Variants in MYH15 observed in about 807,000 individuals in gnomAD.
MYH15 encodes myosin-15.
Under a neutral mutation model 240.5 loss-of-function variants are expected in MYH15, and 227 were observed. The ratio of observed to expected loss-of-function variants is 0.94; its 90% CI spans 0.85 to 1.05. The LOEUF (loss-of-function observed/expected upper bound fraction) is 1.05. Among genes scored for constraint, MYH15 ranks in the 50% least tolerant of loss-of-function variants. The probability of loss-of-function intolerance (pLI) is 0.00; values close to 1 mark genes in which losing one functional copy is unlikely to be tolerated. For synonymous variants in MYH15, 785 were observed against 796.7 expected (o/e 0.99, Z 0.25); for missense variants, 2,217 against 2,247.5 (o/e 0.99, Z 0.27).
chr3:108,455,825 T>A lies in MYH15; in HGVS notation c.2173A>T (p.Ser725Cys), dbSNP rs2083014851. Residue 725 changes from serine to cysteine, a missense_variant, in exon 20 of 41, where the codon AGC (serine) becomes TGC (cysteine). Ser to Cys is a moderately radical substitution (Grantham distance 112). Transcript: ENST00000693548. ...CILNPRTFPK[S>C]KFVSSRKAAE... ...GCTTTTCTGCTGCTCACAAACTTGC[T>A]CTTTGGAAAGGTCCTTGGATTCAGA... 6.2e-7 allele frequency: 1 copy of A among 1,613,352 alleles called. No individual in the cohort carries two copies. The highest frequency in any genetic ancestry group is 8.5e-7 in the Non-Finnish European group (1 of 1,179,358).
At chr3:108,395,244 G>C (rs2082451185) in intron 35 of MYH15, among the ~76,000 whole-genome samples, 1 of 152,180 alleles carries the variant, frequency 6.6e-6, no homozygotes, top group Non-Finnish European at 1.5e-5. Context: ...ACTCCAACCT[G>C]AGTGACAGAG....
At chr3:108,517,879 A>C (rs764079259) in intron 1 of MYH15, among the ~76,000 whole-genome samples, 8 of 152,246 alleles carry the variant, frequency 5.3e-5, no homozygotes, top group Non-Finnish European at 1.2e-4. Flanking sequence ...GGACATGGAC[A>C]ACAGAGATAT....
Position 108,428,650 on chromosome 3 carries a change from C to T in MYH15, c.3544G>A (p.Ala1182Thr), listed in dbSNP as rs756628630. ...EATLHFETTS[A>T]SLKKRHADSL... ...TCTGCATGTCTCTTCTTCAAAGATG[C>T]AGAAGTTGTCTCAAAGTGCAGAGTG... The change falls in exon 27 of 41, where the codon GCA (alanine) becomes ACA (threonine). Residue 1182 changes from alanine to threonine, a missense_variant. Ala to Thr is a moderately conservative substitution (Grantham distance 58, BLOSUM62 0). Coordinates refer to ENST00000693548, the MANE Select transcript of MYH15 (RefSeq NM_014981.3). 1 of 1,613,808 alleles carries T rather than the reference C, an allele frequency of 6.2e-7. No homozygotes were observed. Among genetic ancestry groups the T allele is most frequent in the Non-Finnish European group, 8.5e-7 (1 of 1,179,996 alleles).
At chr3:108,518,673 C>T (rs1209228710) in intron 1 of MYH15, among the ~76,000 whole-genome samples, 1 of 152,206 alleles carries the variant, frequency 6.6e-6, no homozygotes, top group Non-Finnish European at 1.5e-5. Context: ...CAACAGCACT[C>T]TCTGACCTCT....
At chr3:108,510,701 C>T, upstream of MYH15, 1 of 982,426 alleles carries the variant, frequency 1.0e-6, no homozygotes, top group East Asian at 2.5e-5. Flanking sequence ...CCTGTAACTA[C>T]CTGTGCCCCT....
intron 14 of MYH15, among the ~76,000 whole-genome samples, chr3:108,467,162 C>A (rs1473984669): frequency 6.6e-6 from 1 of 151,696 alleles, no homozygotes; most frequent in Non-Finnish European, 1.5e-5. Flanking sequence ...CTGAGACATA[C>A]AGGTCTGAGT....
intron 23 of MYH15, 68 bp downstream of exon 23, chr3:108,440,950 C>G: frequency 6.3e-7 from 1 of 1,589,110 alleles, no homozygotes; most frequent in Non-Finnish European, 8.6e-7. Flanking sequence ...AAGTCAGATA[C>G]CAAAACCTGA....
At chr3:108,429,015 G>A in intron 26 of MYH15, 134 bp from the exon 27 acceptor site, 1 of 944,922 alleles carries the variant, frequency 1.1e-6, no homozygotes. Flanking sequence ...ATACACAGAA[G>A]TTAAGTGATT....
At chr3:108,526,161 T>C (rs1162324282) in intron 1 of MYH15, among the ~76,000 whole-genome samples, 4 of 152,128 alleles carry the variant, frequency 2.6e-5, no homozygotes, top group Non-Finnish European at 2.9e-5. Flanking sequence ...TAGACTCTTA[T>C]ACAGTGATGC....
At chr3:108,439,001 G>A (rs2082863705) in intron 24 of MYH15, among the ~76,000 whole-genome samples, 1 of 150,816 alleles carries the variant, frequency 6.6e-6, no homozygotes, top group Non-Finnish European at 1.5e-5. Context: ...ACAACGAATA[G>A]ATAATAGAAG....
At chr3:108,445,687 G>A (rs893777154) in intron 21 of MYH15, among the ~76,000 whole-genome samples, 9 of 152,020 alleles carry the variant, frequency 5.9e-5, no homozygotes, top group Admixed American at 2.0e-4. Flanking sequence ...ATGAAGTTGA[G>A]TGCATATAAT....
intron 33 of MYH15, among the ~76,000 whole-genome samples, chr3:108,404,179 A>G (rs887362520): frequency 1.3e-5 from 2 of 152,130 alleles, no homozygotes; most frequent in African/African-American, 2.4e-5. Context: ...AGTGAGTGAG[A>G]GCAAAGATAA....
chr3:108,440,696 CA>C (rs35672120), intron 23 of MYH15, among the ~76,000 whole-genome samples: 77 of 140,066 alleles, frequency 5.5e-4, no homozygotes, highest in African/African-American at 1.1e-3. Flanking sequence ...CCTCTCCTTC[CA>C]AAAAAAAAAA....
At chr3:108,467,866 G>A (rs905227236) in intron 14 of MYH15, among the ~76,000 whole-genome samples, 11 of 151,948 alleles carry the variant, frequency 7.2e-5, no homozygotes, top group Admixed American at 2.0e-4. Flanking sequence ...TAATAAATTT[G>A]TTCACAGCAC....
Position 108,492,900 on chromosome 3 carries a change from T to C in MYH15, c.775+214A>G, listed in dbSNP as rs12634578. Among the ~76,000 whole-genome samples the C allele has an allele frequency of 5.1e-3, 771 of 151,176 alleles. 47 individuals carry two copies. In the East Asian group the frequency reaches 0.12, roughly 24 times the overall value. ...AGGAATTCGAGGCTGCAGTGAGCCATGATCATGCCACGGCACTCCAGCCTG... is the reference window on the plus strand; with the variant it reads ...AGGAATTCGAGGCTGCAGTGAGCCACGATCATGCCACGGCACTCCAGCCTG... On this transcript the variant is annotated intron_variant, in intron 8 of 40. Coordinates refer to ENST00000693548, the MANE Select transcript of MYH15 (RefSeq NM_014981.3).
intron 30 of MYH15, among the ~76,000 whole-genome samples, chr3:108,412,371 G>T (rs1439948927): frequency 1.3e-5 from 2 of 152,140 alleles, no homozygotes; most frequent in African/African-American, 4.8e-5. Context: ...GGACCTATTT[G>T]CTTCCCCTTC....
intron 11 of MYH15, among the ~76,000 whole-genome samples, chr3:108,477,720 T>G (rs187641286): frequency 1.3e-5 from 2 of 152,200 alleles, no homozygotes; most frequent in Non-Finnish European, 2.9e-5. Flanking sequence ...CCCGGCAAGG[T>G]CTCTGTTTGC....
chr3:108,489,364 A>C (rs1438858321), intron 9 of MYH15, among the ~76,000 whole-genome samples: 2 of 152,214 alleles, frequency 1.3e-5, no homozygotes, highest in Non-Finnish European at 2.9e-5. Flanking sequence ...GAATAGACAC[A>C]ATAAATAAAT....
At chr3:108,394,596 CA>C (rs976280683) in intron 35 of MYH15, among the ~76,000 whole-genome samples, 3 of 151,930 alleles carry the variant, frequency 2.0e-5, no homozygotes, top group African/African-American at 7.2e-5. Context: ...CAGAAACAAA[CA>C]AAAAAAATCA....
Sources: gnomAD v4.1 joint callset for allele counts (sites outside exome capture counted in the v4.1 genomes callset) on GRCh38, gnomAD v4.1.1 for gene constraint, MANE v1.5 for transcripts, NCBI Gene and HGNC (gene_info 2026-07-23, HGNC 2026-07-21) for gene names.